Variants in NOX4 observed in about 807,000 individuals in gnomAD.
The protein encoded by NOX4 is kidney oxidase-1.
NOX4 carries 69 observed loss-of-function variants against 87.6 expected under a neutral mutation model. The observed-to-expected ratio is 0.79, with a 90% CI of 0.65 to 0.96. The LOEUF (loss-of-function observed/expected upper bound fraction) is 0.96, where lower values mean the gene tolerates loss of function less well. Ranked by LOEUF, NOX4 falls within the 40% of genes least tolerant of loss-of-function variation. The pLI is 0.00. For synonymous variants in NOX4, 275 were observed against 238.2 expected, an observed-to-expected ratio of 1.15 and a Z score of -1.42; for missense variants, 680 against 681.5, an observed-to-expected ratio of 1.00 and a Z score of 0.02.
chr11:89,425,261 C>T (rs1943313405), intron 7 of NOX4, among the ~76,000 whole-genome samples: 1 of 151,844 alleles, frequency 6.6e-6, no homozygotes. Context: ...CCTTTCTGTA[C>T]ACCAATTTTT....
intron 6 of NOX4, among the ~76,000 whole-genome samples, chr11:89,438,254 T>C (rs1369120339): frequency 7.2e-6 from 1 of 138,034 alleles, no homozygotes; most frequent in Non-Finnish European, 1.5e-5. Context: ...AATATATTAT[T>C]ATTATATATA....
intron 2 of NOX4, among the ~76,000 whole-genome samples, chr11:89,474,116 T>A (rs1190767124): frequency 6.6e-6 from 1 of 152,156 alleles, no homozygotes; most frequent in East Asian, 1.9e-4. Context: ...TTGCGGTTTT[T>A]ACTTTCCATG....
chr11:89,561,949 T>C, the NOX4 span, among the ~76,000 whole-genome samples: 1 of 152,144 alleles, frequency 6.6e-6, no homozygotes, highest in African/African-American at 2.4e-5. Flanking sequence ...ATATGCCCTG[T>C]AGATGTTTGA....
At chr11:89,560,205 T>G in the NOX4 span, among the ~76,000 whole-genome samples, 4 of 152,052 alleles carry the variant, frequency 2.6e-5, no homozygotes, top group South Asian at 8.3e-4. Context: ...GAGACAGAGA[T>G]TGGAGCGATG....
rs1479587365 is a variant in NOX4 at position 89,430,572 on chromosome 11, AG to A, written c.548+2211del. ...TTATACACCAATAACAGACAAACAG[AG>A]AGCCAAATCATGAGTGAACTCCCAT... is the stretch of plus-strand genomic sequence containing the variant. On this transcript the variant is annotated intron_variant, in intron 7 of 17. Coordinates refer to ENST00000263317, the MANE Select transcript of NOX4 (RefSeq NM_016931.5). Among the ~76,000 whole-genome samples the A allele has an allele frequency of 3.3e-5, 5 of 152,328 alleles. No homozygotes were observed. In the East Asian group the frequency reaches 9.6e-4, roughly 29 times the overall value.
At chr11:89,501,449 T>C (rs1220956085), upstream of NOX4, among the ~76,000 whole-genome samples, 4 of 151,942 alleles carry the variant, frequency 2.6e-5, no homozygotes, top group African/African-American at 9.7e-5. Flanking sequence ...GAAGAGAAGA[T>C]AATAAAAAGG....
Position 89,337,472 on chromosome 11 carries a change from T to A in NOX4, c.1490A>T (p.Tyr497Phe). 1.2e-6 allele frequency: 2 copies of A among 1,612,444 alleles called. No homozygotes were observed. Among genetic ancestry groups the A allele is most frequent in the Admixed American group, 1.7e-5 (1 of 59,852 alleles). Reference protein sequence around the residue: ...NRPDYVNIQLYLSQTDGIQKI... With the variant: ...NRPDYVNIQLFLSQTDGIQKI... Reference sequence around the variant, plus strand: ...CTGTATCCCATCTGTTTGACTGAGGTACAGCTGGATGTTGACATAGTCAGG... The same window carrying A: ...CTGTATCCCATCTGTTTGACTGAGGAACAGCTGGATGTTGACATAGTCAGG... Residue 497 changes from tyrosine (Y) to phenylalanine (F), a missense_variant, in exon 16 of 18, where the codon TAC (tyrosine) becomes TTC (phenylalanine). Transcript: ENST00000263317.
the NOX4 span, among the ~76,000 whole-genome samples, chr11:89,535,277 A>G: frequency 6.6e-6 from 1 of 152,234 alleles, no homozygotes; most frequent in African/African-American, 2.4e-5. Flanking sequence ...TTCTTCTTAA[A>G]TATAATTTTA....
At chr11:89,335,137 C>G (rs74936565) in intron 17 of NOX4, among the ~76,000 whole-genome samples, 10,968 of 151,558 alleles carry the variant, frequency 0.072, 526 homozygotes, top group Admixed American at 0.14. Context: ...AGATGTAAAC[C>G]TAAAAATACG....
chr11:89,330,573 T>C (rs1238248782), intron 17 of NOX4, among the ~76,000 whole-genome samples: 1 of 149,414 alleles, frequency 6.7e-6, no homozygotes, highest in Non-Finnish European at 1.5e-5. Flanking sequence ...TTCCAATTGA[T>C]GCTGGTCCAA....
chr11:89,329,356 G>GAAAAAAAAAAAAAAAAAAAA (rs377055666), intron 17 of NOX4, among the ~76,000 whole-genome samples: 3 of 34,692 alleles, frequency 8.6e-5, no homozygotes, highest in Admixed American at 3.4e-4. Context: ...GAAAAAAACT[G>GAAAAAAAAAAAAAAAAAAAA]AAAAAAAAAA....
chr11:89,519,347 T>C, the NOX4 span, among the ~76,000 whole-genome samples: 1 of 152,050 alleles, frequency 6.6e-6, no homozygotes, highest in African/African-American at 2.4e-5. Flanking sequence ...TGCTGTATAC[T>C]GTAGAGAAAT....
At chr11:89,458,693 T>C (rs180893460) in intron 2 of NOX4, among the ~76,000 whole-genome samples, 3 of 152,086 alleles carry the variant, frequency 2.0e-5, no homozygotes, top group Non-Finnish European at 4.4e-5. Flanking sequence ...CCAACAAGCA[T>C]ATGAAAACAA....
intron 8 of NOX4, among the ~76,000 whole-genome samples, chr11:89,420,103 G>T (rs1352063860): frequency 1.3e-5 from 2 of 152,016 alleles, no homozygotes; most frequent in African/African-American, 2.4e-5. Context: ...AAACTTAGGA[G>T]TTTCTGAATC....
At chr11:89,363,494 A>G (rs148128422) in intron 12 of NOX4, among the ~76,000 whole-genome samples, 2,233 of 152,244 alleles carry the variant, frequency 0.015, 24 homozygotes, top group Middle Eastern at 0.041. Flanking sequence ...AAAAAATGCC[A>G]GGACAACAAA....
intron 6 of NOX4, among the ~76,000 whole-genome samples, chr11:89,437,299 G>A (rs181221066): frequency 6.0e-4 from 92 of 152,240 alleles, no homozygotes; most frequent in Non-Finnish European, 6.8e-4. Context: ...CTGTGCCTGA[G>A]AACATTCAGA....
At chr11:89,359,060 T>A (rs1477623280) in intron 12 of NOX4, among the ~76,000 whole-genome samples, 3 of 152,124 alleles carry the variant, frequency 2.0e-5, no homozygotes, top group Non-Finnish European at 4.4e-5. Context: ...TTGTAGACCT[T>A]CATCCACTCT....
chr11:89,429,514 A>G (rs1025057505), intron 7 of NOX4, among the ~76,000 whole-genome samples: 3 of 152,228 alleles, frequency 2.0e-5, no homozygotes, highest in African/African-American at 7.2e-5. Flanking sequence ...GCAATAAAAA[A>G]TGATACAGGG....
the NOX4 span, among the ~76,000 whole-genome samples, chr11:89,510,404 A>G: frequency 6.6e-6 from 1 of 152,048 alleles, no homozygotes; most frequent in African/African-American, 2.4e-5. Context: ...ACTCTTCCAT[A>G]TTTCTGAGAT....
Sources: allele counts gnomAD v4.1 joint callset (sites outside exome capture counted in the v4.1 genomes callset), GRCh38; gene constraint gnomAD v4.1.1; transcripts MANE v1.5; gene names NCBI Gene and HGNC (gene_info 2026-07-23, HGNC 2026-07-21).